Variants in PPM1B observed in about 807,000 individuals in gnomAD.
PPM1B encodes the protein protein phosphatase 1B.
Under a neutral mutation model 43.0 loss-of-function variants are expected in PPM1B, and 22 were observed. The ratio of observed to expected loss-of-function variants is 0.51; its 90% CI spans 0.37 to 0.73. PPM1B has a LOEUF of 0.73. Ranked by LOEUF, PPM1B falls within the 30% of genes least tolerant of loss-of-function variation. PPM1B has a pLI of 0.00. For missense variants in PPM1B, 632 were observed against 584.2 expected (o/e 1.08, Z -0.84); for synonymous variants, 217 against 197.9 (o/e 1.10, Z -0.81).
downstream of PPM1B, among the ~76,000 whole-genome samples, chr2:44,237,307 G>C (rs891276736): frequency 2.0e-5 from 3 of 152,184 alleles, no homozygotes; most frequent in Non-Finnish European, 4.4e-5. Context: ...TTATGGTCTA[G>C]AAGTAAATAG....
At chr2:44,212,648 C>A (rs1669528325) in intron 3 of PPM1B, among the ~76,000 whole-genome samples, 1 of 152,042 alleles carries the variant, frequency 6.6e-6, no homozygotes, top group Non-Finnish European at 1.5e-5. Context: ...ATCCTCCATT[C>A]TTGCCTTCTT....
At chr2:44,236,954 ATGT>A (rs1200230936), downstream of PPM1B, among the ~76,000 whole-genome samples, 1 of 152,204 alleles carries the variant, frequency 6.6e-6, no homozygotes, top group Non-Finnish European at 1.5e-5. Context: ...GCAAAGTGTG[ATGT>A]TTTTCACATA....
At chr2:44,184,377 G>A (rs1320704466) in intron 1 of PPM1B, among the ~76,000 whole-genome samples, 2 of 152,148 alleles carry the variant, frequency 1.3e-5, no homozygotes, top group Non-Finnish European at 2.9e-5. Context: ...TCTGGTTGCT[G>A]ATTCTCAGTA....
chr2:44,183,145 A>G (rs183670144), intron 1 of PPM1B, among the ~76,000 whole-genome samples: 1 of 152,294 alleles, frequency 6.6e-6, no homozygotes, highest in East Asian at 1.9e-4. Flanking sequence ...TGCTAATACC[A>G]CTTGGGTCTT....
downstream of PPM1B, chr2:44,232,687 A>G: frequency 1.9e-6 from 2 of 1,051,350 alleles, no homozygotes; most frequent in Non-Finnish European, 2.3e-6. Flanking sequence ...CTCTGAAAAT[A>G]CATTATGTTT....
chr2:44,225,578 T>G (rs1670171067), intron 5 of PPM1B, among the ~76,000 whole-genome samples: 1 of 152,248 alleles, frequency 6.6e-6, no homozygotes, highest in Admixed American at 6.5e-5. Flanking sequence ...TCTTCTCAAT[T>G]TAGTGATTCT....
At chr2:44,210,682 C>T (rs527528476) in intron 3 of PPM1B, among the ~76,000 whole-genome samples, 2 of 152,202 alleles carry the variant, frequency 1.3e-5, no homozygotes, top group South Asian at 4.2e-4. Context: ...TCCCTCCTTC[C>T]TTCCTTCCCT....
intron 5 of PPM1B, among the ~76,000 whole-genome samples, chr2:44,223,709 G>A (rs1168092795): frequency 2.0e-5 from 3 of 150,738 alleles, no homozygotes; most frequent in Non-Finnish European, 4.4e-5. Context: ...TCAGCTACTC[G>A]GGAGGTTGGG....
At chr2:44,245,484 C>G (rs376089978), downstream of PPM1B, among the ~76,000 whole-genome samples, 13 of 152,246 alleles carry the variant, frequency 8.5e-5, no homozygotes, top group African/African-American at 3.1e-4. Context: ...TCCTGGAACC[C>G]ACAAAAAACA....
intron 4 of PPM1B, 115 bp from the exon 5 acceptor site, chr2:44,218,365 A>G (rs1212007585): frequency 2.6e-6 from 2 of 783,396 alleles, no homozygotes; most frequent in Admixed American, 3.0e-5. Flanking sequence ...TGTTCTTGAC[A>G]AGTATAGAGT....
At chr2:44,222,111 A>G (rs1308560690) in intron 5 of PPM1B, among the ~76,000 whole-genome samples, 1 of 152,100 alleles carries the variant, frequency 6.6e-6, no homozygotes, top group African/African-American at 2.4e-5. Context: ...TTGTCTTTAT[A>G]TTAGACAGGG....
chr2:44,230,915 G>C lies in PPM1B; in HGVS notation c.*197G>C. ...TAAAATTGACTATTTATAGTACTAT[G>C]GATTTAATGAAATTATATGTCATTT... On this transcript the variant is annotated 3_prime_UTR_variant, in exon 6 of 6. Transcript: ENST00000282412. 8.2e-7 allele frequency: 1 copy of C among 1,214,032 alleles called. No individual in the cohort carries two copies. Among genetic ancestry groups the C allele is most frequent in the Non-Finnish European group, 1.0e-6 (1 of 958,692 alleles). 75.2% of individuals were successfully genotyped at this position (1,214,032 alleles called of 1,614,324 possible). A position where few individuals can be genotyped will look rare whatever the true frequency, so the allele number is the denominator to read the frequency against.
At chr2:44,219,180 C>A (rs1669860957) in intron 5 of PPM1B, 3 of 152,062 alleles carry the variant, frequency 2.0e-5, no homozygotes, top group African/African-American at 4.8e-5. Context: ...AGTACTATTA[C>A]CAGGAGACAG....
intron 1 of PPM1B, among the ~76,000 whole-genome samples, chr2:44,178,470 A>AT (rs1462055076): frequency 4.0e-4 from 31 of 76,782 alleles, no homozygotes; most frequent in African/African-American, 1.1e-3. Context: ...ATATATATAT[A>AT]TATATTTTTT....
downstream of PPM1B, chr2:44,233,941 A>G (rs185468522): frequency 9.9e-5 from 98 of 985,436 alleles, no homozygotes; most frequent in African/African-American, 1.5e-3. Flanking sequence ...TTTATCGTTC[A>G]AACTGTCCAC....
At chr2:44,172,266 T>C (rs1427425434) in intron 1 of PPM1B, among the ~76,000 whole-genome samples, 1 of 152,218 alleles carries the variant, frequency 6.6e-6, no homozygotes, top group Non-Finnish European at 1.5e-5. Flanking sequence ...ACTGCTATTA[T>C]ATTAGCAGCT....
intron 4 of PPM1B, 38 bp from the exon 5 acceptor site, chr2:44,218,442 G>A: frequency 6.9e-7 from 1 of 1,456,252 alleles, no homozygotes; most frequent in South Asian, 1.2e-5. Context: ...AAAATTCTGT[G>A]TAATTTAATA....
At position 44,202,286 on chromosome 2, in the gene PPM1B, C is replaced by G. The variant is rs998956207; in HGVS notation, c.846+241C>G. On this transcript the variant is annotated intron_variant, in intron 2 of 5. Coordinates refer to ENST00000282412, the MANE Select transcript of PPM1B (RefSeq NM_002706.6). ...TTGTTGTCATTTAAGTACTTCATAG[C>G]TTGTTGCTGTAGCAAAAGCATTTAC... 4.1e-4 allele frequency among the ~76,000 whole-genome samples: 62 copies of G among 152,152 alleles called. 1 individual carries two copies. The highest frequency in any genetic ancestry group is 9.7e-5 in the African/African-American group (4 of 41,442).
intron 5 of PPM1B, among the ~76,000 whole-genome samples, chr2:44,243,153 C>G (rs1166409150): frequency 6.6e-6 from 1 of 152,150 alleles, no homozygotes; most frequent in East Asian, 1.9e-4. Flanking sequence ...AGAATAAGGG[C>G]TTTCTACTCA....
Sources: allele counts gnomAD v4.1 joint callset (sites outside exome capture counted in the v4.1 genomes callset), GRCh38; gene constraint gnomAD v4.1.1; transcripts MANE v1.5; gene names NCBI Gene and HGNC (gene_info 2026-07-23, HGNC 2026-07-21).